Variants in MAD1L1 observed in about 807,000 individuals in gnomAD.
The protein encoded by MAD1L1 is mitotic arrest deficient 1 like 1, also known as mitotic spindle assembly checkpoint protein MAD1.
MAD1L1 carries 95 observed loss-of-function variants against 96.9 expected under a neutral mutation model. That is an observed-to-expected ratio of 0.98 (90% CI 0.83 to 1.16). The LOEUF is 1.16. MAD1L1 is among the 50% of genes most tolerant of loss of function. The pLI is 0.00. For synonymous variants in MAD1L1, 473 were observed against 396.6 expected (o/e 1.19, Z -2.29); for missense variants, 1,007 against 954.4 (o/e 1.06, Z -0.73).
At chr7:2,159,933 A>C (rs1790021097) in intron 10 of MAD1L1, among the ~76,000 whole-genome samples, 1 of 152,214 alleles carries the variant, frequency 6.6e-6, no homozygotes. Context: ...TCATTTTTGC[A>C]CAAAAGAAGT....
At chr7:2,102,425 ACT>A (rs1023442019) in intron 11 of MAD1L1, among the ~76,000 whole-genome samples, 20 of 145,992 alleles carry the variant, frequency 1.4e-4, no homozygotes, top group Admixed American at 6.1e-4. Context: ...CACCATCACC[ACT>A]GTCACCCTCA....
chr7:2,014,656 G>C lies in MAD1L1; in HGVS notation c.1219-14C>G. ...ACCGTCCCGCTCCTGTGGACACAGA[G>C]GGCAGCTGATCAGGACCCGGGACGG... On this transcript the variant is annotated splice_polypyrimidine_tract_variant and intron_variant, in intron 12 of 18. Coordinates refer to ENST00000265854, the MANE Select transcript of MAD1L1 (RefSeq NM_001013836.2). The C allele has an allele frequency of 1.2e-6, 2 of 1,602,358 alleles. No individual in the cohort carries two copies. The highest frequency in any genetic ancestry group is 2.2e-5 in the South Asian group (2 of 89,756).
intron 17 of MAD1L1, among the ~76,000 whole-genome samples, chr7:1,906,248 G>A (rs1243546200): frequency 6.6e-6 from 1 of 151,596 alleles, no homozygotes; most frequent in Non-Finnish European, 1.5e-5. Context: ...CCTCTTCCCA[G>A]GCTGGCCTCG....
At chr7:1,932,928 T>G (rs1789564702) in intron 17 of MAD1L1, among the ~76,000 whole-genome samples, 2 of 152,230 alleles carry the variant, frequency 1.3e-5, no homozygotes, top group Non-Finnish European at 2.9e-5. Context: ...TTACAAATCT[T>G]CTTAGATTTC....
chr7:1,944,247 G>A (rs1182732878), intron 16 of MAD1L1, among the ~76,000 whole-genome samples: 2 of 152,202 alleles, frequency 1.3e-5, no homozygotes, highest in East Asian at 3.9e-4. Context: ...TAACTAGAGG[G>A]TTCGGGCTTC....
chr7:2,152,393 C>T (rs113544747), intron 10 of MAD1L1, among the ~76,000 whole-genome samples: 1,750 of 152,334 alleles, frequency 0.011, 23 homozygotes, highest in Non-Finnish European at 0.016. Flanking sequence ...CAGAAGGAAT[C>T]CCTCCCTTCG....
At chr7:1,946,569 CATT>C (rs1779238533) in intron 16 of MAD1L1, among the ~76,000 whole-genome samples, 2 of 152,390 alleles carry the variant, frequency 1.3e-5, no homozygotes, top group South Asian at 4.1e-4. Flanking sequence ...ATGGTGCAAT[CATT>C]GACTCAACAG....
intron 18 of MAD1L1, among the ~76,000 whole-genome samples, chr7:1,860,933 C>G (rs906641626): frequency 1.3e-5 from 2 of 152,204 alleles, no homozygotes; most frequent in Non-Finnish European, 2.9e-5. Context: ...AATCTCCCAC[C>G]CAGTTCTGGG....
chr7:1,866,349 G>GTGGA (rs912793867), intron 18 of MAD1L1, among the ~76,000 whole-genome samples: 6 of 152,196 alleles, frequency 3.9e-5, no homozygotes. Flanking sequence ...CAAGACAAGG[G>GTGGA]TGGAGCCTTG....
intron 18 of MAD1L1, among the ~76,000 whole-genome samples, chr7:1,872,466 G>A (rs1442378835): frequency 2.0e-5 from 3 of 152,256 alleles, no homozygotes; most frequent in Non-Finnish European, 2.9e-5. Flanking sequence ...CCTCAGGGCA[G>A]GCAGCTCCTC....
At chr7:2,162,009 G>A (rs1284870516) in intron 10 of MAD1L1, among the ~76,000 whole-genome samples, 10 of 148,610 alleles carry the variant, frequency 6.7e-5, no homozygotes, top group South Asian at 2.1e-4. Context: ...GGTGGGGGGC[G>A]GCCCCTGCCC....
At chr7:2,130,927 G>A (rs760316987) in intron 11 of MAD1L1, among the ~76,000 whole-genome samples, 31 of 152,338 alleles carry the variant, frequency 2.0e-4, no homozygotes, top group Admixed American at 5.2e-4. Context: ...GCCTCTCGCA[G>A]AAGGATGCTG....
In MAD1L1 at chr7:2,063,818, C is replaced by T. The variant is rs78093858; in HGVS notation, c.1218+5376G>A. Among the ~76,000 whole-genome samples, 73 of 152,342 alleles carry T rather than the reference C, an allele frequency of 4.8e-4. No homozygotes were observed. The East Asian group carries it at 0.014, about 29-fold the overall frequency. On this transcript the variant is annotated intron_variant, in intron 12 of 18. Transcript: ENST00000265854. ...TCATGATCCACGGGCCACTCTGACC[C>T]TGAGCACCTGTGGCCTCAGCTCCCT...
At chr7:2,009,080 G>T (rs1298302970) in intron 13 of MAD1L1, among the ~76,000 whole-genome samples, 1 of 152,230 alleles carries the variant, frequency 6.6e-6, no homozygotes, top group Non-Finnish European at 1.5e-5. Context: ...CACCCAAGCA[G>T]CTGAAGGGTC....
intron 18 of MAD1L1, among the ~76,000 whole-genome samples, chr7:1,885,009 G>A (rs893582408): frequency 3.0e-4 from 45 of 152,208 alleles, no homozygotes; most frequent in African/African-American, 9.4e-4. Context: ...GAAGTTACCC[G>A]TGTTGGTCAA....
At chr7:1,969,543 T>G (rs1780316302) in intron 15 of MAD1L1, among the ~76,000 whole-genome samples, 1 of 152,176 alleles carries the variant, frequency 6.6e-6, no homozygotes, top group Admixed American at 6.5e-5. Flanking sequence ...GAAAAAGAAA[T>G]AAATTGTATC....
chr7:2,006,630 C>A (rs901841647), intron 13 of MAD1L1, among the ~76,000 whole-genome samples: 1 of 150,988 alleles, frequency 6.6e-6, no homozygotes, highest in African/African-American at 2.4e-5. Flanking sequence ...CAGCCCAACA[C>A]AGGAGAGACG....
chr7:1,938,744 A>ACG (rs1274214601), intron 16 of MAD1L1, among the ~76,000 whole-genome samples: 8 of 53,648 alleles, frequency 1.5e-4, no homozygotes, highest in African/African-American at 4.5e-4. Context: ...AGAGGCGCGC[A>ACG]CGCACACACA....
rs1786631387 is a variant in MAD1L1, at chr7:1,892,810, C to A, written c.1998+5390G>T. Among the ~76,000 whole-genome samples the A allele has an allele frequency of 2.6e-5, 4 of 152,340 alleles. 1 individual carries two copies. In the South Asian group the frequency reaches 8.3e-4, roughly 32 times the overall value. ...GCCCTGGACAGCAAGGAATGAGGAGCCTGCTGGAACCAGTGTGTCTCCCAG... is the reference window on the plus strand; with the variant it reads ...GCCCTGGACAGCAAGGAATGAGGAGACTGCTGGAACCAGTGTGTCTCCCAG... On this transcript the variant is annotated intron_variant, in intron 18 of 18. Coordinates refer to ENST00000265854, the MANE Select transcript of MAD1L1 (RefSeq NM_001013836.2).
Sources: gnomAD v4.1 joint callset for allele counts (sites outside exome capture counted in the v4.1 genomes callset) on GRCh38, gnomAD v4.1.1 for gene constraint, MANE v1.5 for transcripts, NCBI Gene and HGNC (gene_info 2026-07-23, HGNC 2026-07-21) for gene names.